Variants in COG6 observed in about 807,000 individuals in gnomAD.
COG6 encodes the protein conserved oligomeric Golgi complex subunit 6.
Under a neutral mutation model 88.8 loss-of-function variants are expected in COG6, and 74 were observed. The observed-to-expected ratio is 0.83, with a 90% CI of 0.69 to 1.01. The LOEUF is 1.01. Ranked by LOEUF, COG6 falls within the 50% of genes least tolerant of loss-of-function variation. COG6 has a pLI of 0.00. For missense variants in COG6, 800 were observed against 797.9 expected (o/e 1.00, Z -0.03); for synonymous variants, 286 against 278.7 (o/e 1.03, Z -0.26).
chr13:39,736,971 T>G (rs1371741801), intron 18 of COG6, among the ~76,000 whole-genome samples: 1 of 152,186 alleles, frequency 6.6e-6, no homozygotes, highest in Non-Finnish European at 1.5e-5. Context: ...ATGAAGGCTT[T>G]CCAAGTATTC....
At chr13:39,691,831 C>G (rs914085472) in intron 11 of COG6, among the ~76,000 whole-genome samples, 1 of 151,884 alleles carries the variant, frequency 6.6e-6, no homozygotes, top group African/African-American at 2.4e-5. Flanking sequence ...CCCACTCATA[C>G]AAAATTTCTT....
intron 18 of COG6, among the ~76,000 whole-genome samples, chr13:39,737,363 G>A (rs553978229): frequency 2.0e-5 from 3 of 152,124 alleles, no homozygotes; most frequent in Admixed American, 6.5e-5. Context: ...TCTGCAGTCC[G>A]CAAGTGATGA....
chr13:39,780,392 C>A (rs953193770), intron 18 of COG6, among the ~76,000 whole-genome samples: 1 of 152,176 alleles, frequency 6.6e-6, no homozygotes, highest in African/African-American at 2.4e-5. Context: ...GGCATGCATG[C>A]CCTGGCAGCT....
At chr13:39,711,399 A>G (rs1341649457) in intron 13 of COG6, among the ~76,000 whole-genome samples, 1 of 152,208 alleles carries the variant, frequency 6.6e-6, no homozygotes, top group African/African-American at 2.4e-5. Context: ...AACTTTATAG[A>G]ATTCAAGTAA....
rs561485187 is a variant in COG6, at chr13:39,732,744, C to T, written c.1826+5196C>T. ...TAAAAGGCTGGAAAATAGATGGAGTCTTAGAGAATTGTGAGATAATACTAA... is the reference window on the plus strand; with the variant it reads ...TAAAAGGCTGGAAAATAGATGGAGTTTTAGAGAATTGTGAGATAATACTAA... On this transcript the variant is annotated intron_variant, in intron 18 of 18. Coordinates refer to ENST00000455146, the MANE Select transcript of COG6 (RefSeq NM_020751.3). 2.2e-4 allele frequency among the ~76,000 whole-genome samples: 34 copies of T among 152,110 alleles called. No homozygotes were observed. The South Asian group carries it at 6.8e-3, about 31-fold the overall frequency.
chr13:39,658,246 C>T (rs564037373), intron 1 of COG6, among the ~76,000 whole-genome samples: 12 of 151,654 alleles, frequency 7.9e-5, no homozygotes, highest in Admixed American at 3.3e-4. Flanking sequence ...CTGGCTCAAG[C>T]GATCCTCCTG....
At chr13:39,656,129 C>T (rs1396118080) in intron 1 of COG6, 2 of 643,588 alleles carry the variant, frequency 3.1e-6, no homozygotes, top group African/African-American at 3.6e-5. Context: ...GCCTTCAAGG[C>T]TCTCTGGATG....
chr13:39,736,092 T>C (rs1465366932), intron 18 of COG6, among the ~76,000 whole-genome samples: 4 of 152,156 alleles, frequency 2.6e-5, no homozygotes, highest in African/African-American at 9.7e-5. Context: ...ATAAACTTTC[T>C]ACACTAATCT....
chr13:39,757,987 C>T (rs1029164379), intron 18 of COG6, among the ~76,000 whole-genome samples: 6 of 150,940 alleles, frequency 4.0e-5, no homozygotes, highest in Admixed American at 2.6e-4. Flanking sequence ...TTTGGGAGGC[C>T]GAGGCAGGCA....
intron 8 of COG6, among the ~76,000 whole-genome samples, chr13:39,684,689 T>G (rs1450752607): frequency 6.6e-6 from 1 of 152,220 alleles, no homozygotes; most frequent in Non-Finnish European, 1.5e-5. Context: ...GGTAGTTTCC[T>G]TACATTTAGG....
Position 39,751,622 on chromosome 13 carries a change from C to T in COG6, c.*529C>T. 29 of 1,287,056 alleles carry T rather than the reference C, an allele frequency of 2.3e-5. No individual in the cohort carries two copies. Among genetic ancestry groups the T allele is most frequent in the Non-Finnish European group, 2.9e-5 (29 of 988,630 alleles). 79.7% of individuals were successfully genotyped at this position (1,287,056 alleles called of 1,614,324 possible). A position where few individuals can be genotyped will look rare whatever the true frequency, so the allele number is the denominator to read the frequency against. ...GAGTTGTTAGCAGAGAGAAAAATAA[C>T]AGTGAATGTGCTCCTGGTGTATATG... On this transcript the variant is annotated 3_prime_UTR_variant, in exon 19 of 19. Transcript: ENST00000455146.
At chr13:39,716,061 AAAG>A (rs1878513225) in intron 13 of COG6, among the ~76,000 whole-genome samples, 1 of 152,046 alleles carries the variant, frequency 6.6e-6, no homozygotes, top group African/African-American at 2.4e-5. Context: ...TAATGAAAGA[AAAG>A]GAGACAAAAC....
chr13:39,715,994 T>C (rs1878507998), intron 13 of COG6, among the ~76,000 whole-genome samples: 1 of 152,046 alleles, frequency 6.6e-6, no homozygotes, highest in African/African-American at 2.4e-5. Context: ...TAGAATACTT[T>C]TGTGAAGAAA....
At chr13:39,721,202 T>A (rs1878831061) in intron 15 of COG6, among the ~76,000 whole-genome samples, 1 of 152,140 alleles carries the variant, frequency 6.6e-6, no homozygotes, top group South Asian at 2.1e-4. Context: ...TTATTACCAA[T>A]TATCTATGTT....
chr13:39,764,841 G>A (rs908832846), intron 18 of COG6, among the ~76,000 whole-genome samples: 2 of 152,036 alleles, frequency 1.3e-5, no homozygotes, highest in Non-Finnish European at 2.9e-5. Context: ...GTAGTATTGG[G>A]TGCAGTGCTC....
chr13:39,768,310 C>T (rs886909056), intron 18 of COG6, among the ~76,000 whole-genome samples: 5 of 152,200 alleles, frequency 3.3e-5, no homozygotes, highest in Admixed American at 1.3e-4. Context: ...CAGCTGAACC[C>T]GGAACACTGC....
At chr13:39,757,789 A>G (rs1226946968) in intron 18 of COG6, among the ~76,000 whole-genome samples, 2 of 152,164 alleles carry the variant, frequency 1.3e-5, no homozygotes, top group Admixed American at 1.3e-4. Context: ...CCCAACAAGA[A>G]CAAAGCCCAG....
At chr13:39,750,886 A>G (rs2138147597) in intron 18 of COG6, 60 bp from the exon 19 acceptor site, 9 of 1,333,944 alleles carry the variant, frequency 6.7e-6, no homozygotes, top group Non-Finnish European at 9.6e-6. Context: ...CTGTCTTACA[A>G]TTCTTAGTAA....
At chr13:39,656,040 G>A (rs1874465883) in intron 1 of COG6, 161 bp downstream of exon 1, 1 of 945,400 alleles carries the variant, frequency 1.1e-6, no homozygotes, top group Non-Finnish European at 1.7e-6. Context: ...CGGGCGCCGG[G>A]GGCGGTGAGA....
Sources: gnomAD v4.1 joint callset for allele counts (sites outside exome capture counted in the v4.1 genomes callset) on GRCh38, gnomAD v4.1.1 for gene constraint, MANE v1.5 for transcripts, NCBI Gene and HGNC (gene_info 2026-07-23, HGNC 2026-07-21) for gene names.